AOPEP: variants seen among roughly 807,000 people sequenced by gnomAD.
AOPEP encodes the protein aminopeptidase O.
In AOPEP, 77 loss-of-function variants were observed where a neutral mutation model predicts 98.1. That is an observed-to-expected ratio of 0.78 (90% CI 0.65 to 0.95). The LOEUF (loss-of-function observed/expected upper bound fraction) is 0.95. Among genes scored for constraint, AOPEP ranks in the 40% least tolerant of loss-of-function variants. The pLI, the probability that AOPEP is intolerant of heterozygous loss-of-function variation, is 0.00. For synonymous variants in AOPEP, 346 were observed against 365.3 expected (o/e 0.95, Z 0.60); for missense variants, 1,024 against 1,024.7 (o/e 1.00, Z 0.01).
At chr9:95,098,576 G>A in the AOPEP span, among the ~76,000 whole-genome samples, 1 of 152,174 alleles carries the variant, frequency 6.6e-6, no homozygotes, top group Non-Finnish European at 1.5e-5. Context: ...ACTGCAGTGG[G>A]GGTCCTGGGG....
intron 5 of AOPEP, among the ~76,000 whole-genome samples, chr9:94,893,608 T>A (rs756896793): frequency 7.9e-5 from 12 of 152,154 alleles, no homozygotes; most frequent in Non-Finnish European, 1.6e-4. Flanking sequence ...GTCTTGTGCT[T>A]GTGTGAGGAG....
the AOPEP span, chr9:95,111,363 G>C: frequency 6.3e-7 from 1 of 1,597,876 alleles, no homozygotes; most frequent in Middle Eastern, 1.7e-4. Flanking sequence ...CAGAGCTCAG[G>C]TGTCATGGAA....
At chr9:94,910,738 C>G (rs2051903503) in intron 5 of AOPEP, among the ~76,000 whole-genome samples, 1 of 152,130 alleles carries the variant, frequency 6.6e-6, no homozygotes, top group African/African-American at 2.4e-5. Flanking sequence ...ATGGACATTT[C>G]CCTAGATCTT....
chr9:95,129,594 A>G, the AOPEP span, among the ~76,000 whole-genome samples: 8 of 152,212 alleles, frequency 5.3e-5, no homozygotes. Context: ...AAGCGGGGAA[A>G]TAAAATAAAC....
intron 5 of AOPEP, among the ~76,000 whole-genome samples, chr9:94,818,476 T>C (rs1852190810): frequency 1.3e-5 from 2 of 152,204 alleles, no homozygotes; most frequent in Admixed American, 1.3e-4. Context: ...TGGTCCACAT[T>C]CCTTACATTG....
chr9:95,092,916 C>G, the AOPEP span, among the ~76,000 whole-genome samples: 12 of 152,202 alleles, frequency 7.9e-5, no homozygotes, highest in African/African-American at 2.7e-4. Flanking sequence ...GAGGTTTCTG[C>G]ATTCTGACCC....
intron 3 of AOPEP, among the ~76,000 whole-genome samples, chr9:94,782,458 A>T (rs1400257731): frequency 6.6e-6 from 1 of 152,212 alleles, no homozygotes; most frequent in African/African-American, 2.4e-5. Flanking sequence ...GCTCTCTGAC[A>T]TTCTCTTTCT....
At chr9:94,830,455 G>A (rs1050286837) in intron 5 of AOPEP, among the ~76,000 whole-genome samples, 5 of 152,124 alleles carry the variant, frequency 3.3e-5, no homozygotes, top group African/African-American at 1.2e-4. Flanking sequence ...TGGACATCTG[G>A]GTTGATTTCA....
intron 11 of AOPEP, among the ~76,000 whole-genome samples, chr9:95,003,165 T>TGTGTGTGC (rs1196387961): frequency 0.023 from 3,422 of 145,958 alleles, 140 homozygotes; most frequent in African/African-American, 0.078. Flanking sequence ...TGTGTGTGTG[T>TGTGTGTGC]GCGCGCGCGC....
the AOPEP span, among the ~76,000 whole-genome samples, chr9:95,109,380 C>G: frequency 2.0e-5 from 3 of 152,080 alleles, no homozygotes; most frequent in African/African-American, 4.8e-5. Context: ...TTGCATGGAT[C>G]TCTATTCCCC....
the AOPEP span, chr9:95,099,646 TGAA>T: frequency 4.3e-6 from 1 of 231,410 alleles, no homozygotes; most frequent in Non-Finnish European, 8.5e-6. Flanking sequence ...AAGGGCCACA[TGAA>T]GCCAGCAGGC....
chr9:94,982,661 C>T (rs181699261), intron 11 of AOPEP, among the ~76,000 whole-genome samples: 49 of 151,108 alleles, frequency 3.2e-4, no homozygotes, highest in Admixed American at 1.5e-3. Flanking sequence ...CTACACCTCC[C>T]GGGCTGCAGT....
At chr9:94,789,848 C>T (rs573944373) in intron 3 of AOPEP, among the ~76,000 whole-genome samples, 10 of 151,782 alleles carry the variant, frequency 6.6e-5, no homozygotes, top group Non-Finnish European at 1.5e-4. Context: ...ATTTGATTGT[C>T]CCTTTAAGGA....
chr9:95,135,582 T>C, the AOPEP span: 2 of 1,195,618 alleles, frequency 1.7e-6, no homozygotes, highest in Non-Finnish European at 2.4e-6. Flanking sequence ...CAAAATGCAA[T>C]CACTAATCCA....
At chr9:95,000,214 A>C (rs2061477498) in intron 11 of AOPEP, among the ~76,000 whole-genome samples, 1 of 152,254 alleles carries the variant, frequency 6.6e-6, no homozygotes, top group Non-Finnish European at 1.5e-5. Flanking sequence ...AGGTAAAAAC[A>C]AACCAGCTGA....
chr9:94,976,368 T>C (rs748974086), intron 10 of AOPEP, among the ~76,000 whole-genome samples: 15 of 152,054 alleles, frequency 9.9e-5, no homozygotes, highest in Admixed American at 2.0e-4. Context: ...TAAGTGAAAA[T>C]TCCCCAAAGG....
the AOPEP span, among the ~76,000 whole-genome samples, chr9:95,098,174 C>T: frequency 6.6e-6 from 1 of 152,286 alleles, no homozygotes; most frequent in African/African-American, 2.4e-5. Flanking sequence ...CTCTGGGCAG[C>T]GTAAGGCCAG....
intron 7 of AOPEP, among the ~76,000 whole-genome samples, chr9:94,953,343 G>C (rs552408158): frequency 6.6e-6 from 1 of 152,330 alleles, no homozygotes; most frequent in South Asian, 2.1e-4. Flanking sequence ...TGAAAAGTAT[G>C]CAGTTAGCTC....
intron 5 of AOPEP, chr9:94,824,745 A>G (rs1205495771): frequency 6.6e-6 from 1 of 152,204 alleles, no homozygotes; most frequent in South Asian, 2.1e-4. Flanking sequence ...CTTGGTGGAG[A>G]AAAAGAACAT....
Sources: gnomAD v4.1 joint callset for allele counts (sites outside exome capture counted in the v4.1 genomes callset) on GRCh38, gnomAD v4.1.1 for gene constraint, MANE v1.5 for transcripts, NCBI Gene and HGNC (gene_info 2026-07-23, HGNC 2026-07-21) for gene names.